The following KIAA0319 variants were observed in gnomAD, a reference collection of about 807,000 sequenced individuals.
The protein encoded by KIAA0319 is dyslexia-associated protein KIAA0319.
In KIAA0319, 83 loss-of-function variants were observed where a neutral mutation model predicts 108.4. The observed-to-expected ratio is 0.77, with a 90% CI of 0.64 to 0.92. The LOEUF is 0.92. Ranked by LOEUF, KIAA0319 falls within the 40% of genes least tolerant of loss-of-function variation. The pLI, the probability that KIAA0319 is intolerant of heterozygous loss-of-function variation, is 0.00. For missense variants in KIAA0319, 1,195 were observed against 1,322.4 expected, an observed-to-expected ratio of 0.90 and a Z score of 1.49; for synonymous variants, 484 against 510.4, an observed-to-expected ratio of 0.95 and a Z score of 0.70.
chr6:24,583,533 T>C, intron 5 of KIAA0319, 71 bp downstream of exon 5: 1 of 986,460 alleles, frequency 1.0e-6, no homozygotes, highest in Non-Finnish European at 1.6e-6. Flanking sequence ...GCGTTGTAAA[T>C]AGCCTGTAAG....
downstream of KIAA0319, among the ~76,000 whole-genome samples, chr6:24,541,900 G>A (rs1026519000): frequency 1.3e-5 from 2 of 152,096 alleles, no homozygotes; most frequent in African/African-American, 4.8e-5. Flanking sequence ...AGTACTTTGG[G>A]AGGCTGAGGC....
Position 24,625,624 on chromosome 6 carries a change from A to G in KIAA0319, c.-106+20112T>C, listed in dbSNP as rs546620553. 5.3e-5 allele frequency among the ~76,000 whole-genome samples: 8 copies of G among 152,336 alleles called. No homozygotes were observed. The South Asian group carries it at 1.4e-3, about 28-fold the overall frequency. On this transcript the variant is annotated intron_variant, in intron 1 of 20. Transcript: ENST00000378214. ...ATAAAAGCATCCAGATTGGAAAGGAATGTGTAAAACTATGTCTATTCACAG... is the reference window on the plus strand; with the variant it reads ...ATAAAAGCATCCAGATTGGAAAGGAGTGTGTAAAACTATGTCTATTCACAG...
chr6:24,620,076 A>G (rs1047077179), intron 1 of KIAA0319, among the ~76,000 whole-genome samples: 1 of 152,216 alleles, frequency 6.6e-6, no homozygotes, highest in Admixed American at 6.5e-5. Context: ...TATTTTCAAT[A>G]TATTTTGCCA....
intron 20 of KIAA0319, among the ~76,000 whole-genome samples, chr6:24,548,695 G>T (rs1333908482): frequency 2.6e-5 from 4 of 152,188 alleles, no homozygotes; most frequent in Non-Finnish European, 1.5e-5. Context: ...AAAAAAACTG[G>T]TTTGTTTGGA....
chr6:24,636,105 T>C (rs1776172606), intron 1 of KIAA0319, among the ~76,000 whole-genome samples: 9 of 152,206 alleles, frequency 5.9e-5, no homozygotes, highest in Admixed American at 5.9e-4. Context: ...CTGTGGAGTA[T>C]TAATTTACAG....
At chr6:24,575,069 T>C (rs1765268954) in intron 10 of KIAA0319, among the ~76,000 whole-genome samples, 1 of 152,258 alleles carries the variant, frequency 6.6e-6, no homozygotes, top group Non-Finnish European at 1.5e-5. Context: ...AGCAGGCTGC[T>C]TGGTACAATT....
At chr6:24,598,472 G>T (rs560175794) in intron 2 of KIAA0319, 1 of 510,300 alleles carries the variant, frequency 2.0e-6, no homozygotes, top group African/African-American at 1.9e-5. Flanking sequence ...ATCAACCTAT[G>T]GCAGCAGCTG....
intron 1 of KIAA0319, among the ~76,000 whole-genome samples, chr6:24,641,425 G>T (rs1292184426): frequency 1.3e-5 from 2 of 152,200 alleles, no homozygotes; most frequent in African/African-American, 2.4e-5. Flanking sequence ...AGATGAACCT[G>T]TTTCCAGAAA....
chr6:24,549,899 G>A (rs973246661), intron 20 of KIAA0319, among the ~76,000 whole-genome samples: 3 of 152,108 alleles, frequency 2.0e-5, no homozygotes, highest in East Asian at 3.9e-4. Flanking sequence ...GAGCACCAGC[G>A]ACTGAGGTTT....
chr6:24,554,704 A>G (rs1035234377), intron 18 of KIAA0319, 73 bp from the exon 19 acceptor site: 75 of 1,094,686 alleles, frequency 6.9e-5, no homozygotes, highest in Non-Finnish European at 1.0e-4. Context: ...GATGATTCAT[A>G]ACAACTATTT....
intron 1 of KIAA0319, among the ~76,000 whole-genome samples, chr6:24,635,749 C>T (rs900092203): frequency 1.3e-5 from 2 of 152,206 alleles, no homozygotes; most frequent in Admixed American, 1.3e-4. Context: ...AGCTTGGACA[C>T]AGATTCCTCC....
At chr6:24,573,538 TA>T (rs1765032437) in intron 10 of KIAA0319, among the ~76,000 whole-genome samples, 1 of 152,202 alleles carries the variant, frequency 6.6e-6, no homozygotes, top group African/African-American at 2.4e-5. Flanking sequence ...AAGCAAACAG[TA>T]AAAAAATTTT....
intron 2 of KIAA0319, among the ~76,000 whole-genome samples, chr6:24,600,045 A>G (rs76587881): frequency 1.4e-5 from 2 of 142,452 alleles, no homozygotes; most frequent in Admixed American, 7.1e-5. Flanking sequence ...AAAAAAAAAA[A>G]GGAAGATGAG....
intron 5 of KIAA0319, chr6:24,583,107 T>TGTC: frequency 1.0e-6 from 1 of 985,592 alleles, no homozygotes; most frequent in Non-Finnish European, 1.2e-6. Context: ...GGTCAAATGC[T>TGTC]TACTGAATGG....
At chr6:24,569,830 A>C in intron 12 of KIAA0319, 73 bp downstream of exon 12, 1 of 1,543,374 alleles carries the variant, frequency 6.5e-7, no homozygotes, top group Non-Finnish European at 8.8e-7. Flanking sequence ...TGTTTACTAC[A>C]GATCCTCCAG....
At chr6:24,584,431 T>TAA (rs5874993) in intron 4 of KIAA0319, among the ~76,000 whole-genome samples, 5 of 91,258 alleles carry the variant, frequency 5.5e-5, no homozygotes, top group East Asian at 3.6e-4. Flanking sequence ...AGCAAAGATT[T>TAA]AAAAAAAAAA....
intron 11 of KIAA0319, among the ~76,000 whole-genome samples, chr6:24,571,701 G>A (rs1764749262): frequency 6.6e-6 from 1 of 151,950 alleles, no homozygotes. Flanking sequence ...CTCTTCTTTG[G>A]CGCCCACGCA....
At chr6:24,628,708 C>T (rs1775072337) in intron 1 of KIAA0319, among the ~76,000 whole-genome samples, 1 of 152,200 alleles carries the variant, frequency 6.6e-6, no homozygotes, top group African/African-American at 2.4e-5. Flanking sequence ...CTCTGAGAGT[C>T]TGATCAGAAT....
chr6:24,574,098 G>A (rs1180563576), intron 10 of KIAA0319, among the ~76,000 whole-genome samples: 2 of 151,976 alleles, frequency 1.3e-5, no homozygotes, highest in Non-Finnish European at 2.9e-5. Flanking sequence ...CTGGGCCACA[G>A]AGTGAGACTC....
Sources: gnomAD v4.1 joint callset for allele counts (sites outside exome capture counted in the v4.1 genomes callset) on GRCh38, gnomAD v4.1.1 for gene constraint, MANE v1.5 for transcripts, NCBI Gene and HGNC (gene_info 2026-07-23, HGNC 2026-07-21) for gene names.